NAA35: variants seen among roughly 807,000 people sequenced by gnomAD.
NAA35 encodes the protein MAK10 homolog, amino-acid N-acetyltransferase subunit.
In NAA35, 18 loss-of-function variants were observed where a neutral mutation model predicts 101.7. The observed-to-expected ratio is 0.18, with a 90% CI of 0.12 to 0.26. The LOEUF (loss-of-function observed/expected upper bound fraction) is 0.26. Among genes scored for constraint, NAA35 ranks in the 10% least tolerant of loss-of-function variants. NAA35 has a pLI of 1.00. For missense variants in NAA35, 601 were observed against 886.8 expected (o/e 0.68, Z 4.09); for synonymous variants, 267 against 273.1 (o/e 0.98, Z 0.22).
At chr9:86,007,509 T>A in intron 14 of NAA35, 45 bp downstream of exon 14, 1 of 1,441,834 alleles carries the variant, frequency 6.9e-7, no homozygotes. Flanking sequence ...TGTGCTCCTT[T>A]AAAAGCCCAA....
intron 2 of NAA35, among the ~76,000 whole-genome samples, chr9:85,955,360 A>ATTTTTTTT (rs61549690): frequency 1.5e-4 from 8 of 53,930 alleles, no homozygotes; most frequent in East Asian, 7.6e-4. Flanking sequence ...ATATATATAT[A>ATTTTTTTT]TTTTTTTTTT....
intron 15 of NAA35, among the ~76,000 whole-genome samples, chr9:86,011,901 ATT>A (rs1831938996): frequency 7.1e-6 from 1 of 140,550 alleles, no homozygotes; most frequent in African/African-American, 2.7e-5. Context: ...TATGATATAT[ATT>A]AATATATATT....
At chr9:85,972,421 A>C (rs1830034689) in intron 6 of NAA35, among the ~76,000 whole-genome samples, 1 of 138,896 alleles carries the variant, frequency 7.2e-6, no homozygotes, top group African/African-American at 2.7e-5. Context: ...AGGTGGAAGG[A>C]TTGCTTGAGC....
chr9:85,952,346 C>T (rs1003609919), intron 2 of NAA35, among the ~76,000 whole-genome samples: 20 of 145,702 alleles, frequency 1.4e-4, no homozygotes, highest in African/African-American at 4.9e-4. Flanking sequence ...AGTGCAGTGG[C>T]GCCATCTCGG....
intron 13 of NAA35, among the ~76,000 whole-genome samples, chr9:86,006,373 T>TC (rs1831643050): frequency 6.6e-6 from 1 of 152,266 alleles, no homozygotes; most frequent in Admixed American, 6.5e-5. Context: ...AGCTGTTTGT[T>TC]CATGATCATC....
At chr9:85,984,077 G>A (rs1587616576) in intron 11 of NAA35, among the ~76,000 whole-genome samples, 2 of 149,116 alleles carry the variant, frequency 1.3e-5, no homozygotes, top group African/African-American at 4.9e-5. Flanking sequence ...TGTAATCCCA[G>A]TGCACTTTGG....
intron 1 of NAA35, chr9:85,941,589 G>C: frequency 1.0e-6 from 1 of 986,024 alleles, no homozygotes; most frequent in Non-Finnish European, 1.2e-6. Flanking sequence ...CGGAAGGGAA[G>C]CGTGTGCCCG....
intron 21 of NAA35, 132 bp from the exon 22 acceptor site, chr9:86,020,757 G>C (rs1832498724): frequency 3.6e-6 from 2 of 552,784 alleles, no homozygotes; most frequent in East Asian, 6.4e-5. Context: ...CCTGAACCAG[G>C]AGGTTGAGGC....
intron 3 of NAA35, among the ~76,000 whole-genome samples, chr9:85,957,690 A>G (rs563293815): frequency 6.6e-6 from 1 of 152,366 alleles, no homozygotes; most frequent in East Asian, 1.9e-4. Context: ...GCCCATATGT[A>G]GCCCCAGTTC....
At chr9:85,956,274 C>G in intron 2 of NAA35, 86 bp from the exon 3 acceptor site, 1 of 768,546 alleles carries the variant, frequency 1.3e-6, no homozygotes, top group Non-Finnish European at 2.0e-6. Context: ...ACAAGCACAT[C>G]TTTTCAGGTG....
At chr9:85,955,010 C>T (rs770378234) in intron 2 of NAA35, among the ~76,000 whole-genome samples, 12 of 151,474 alleles carry the variant, frequency 7.9e-5, no homozygotes, top group African/African-American at 1.7e-4. Flanking sequence ...CTCTGCCTCC[C>T]GGGTTTAAGT....
At chr9:85,963,340 G>A (rs913524573) in intron 6 of NAA35, among the ~76,000 whole-genome samples, 17 of 143,626 alleles carry the variant, frequency 1.2e-4, no homozygotes, top group African/African-American at 4.1e-4. Flanking sequence ...GGGCAGTTTC[G>A]GCTCACTGCA....
At chr9:86,002,461 G>A (rs930093839) in intron 12 of NAA35, among the ~76,000 whole-genome samples, 1 of 152,146 alleles carries the variant, frequency 6.6e-6, no homozygotes, top group Non-Finnish European at 1.5e-5. Context: ...TTTCCAAGAT[G>A]TTTGCTTTCT....
chr9:85,988,211 CATA>C (rs780152314), intron 11 of NAA35, among the ~76,000 whole-genome samples: 5 of 151,966 alleles, frequency 3.3e-5, no homozygotes, highest in Non-Finnish European at 5.9e-5. Context: ...TCAGTGATAT[CATA>C]ATCAAAAAAG....
intron 12 of NAA35, 27 bp downstream of exon 12, chr9:85,996,604 G>A (rs756971969): frequency 2.9e-5 from 43 of 1,477,386 alleles, no homozygotes; most frequent in Non-Finnish European, 3.7e-5. Flanking sequence ...GTTCCAGAAT[G>A]TAACTTCCAT....
intron 21 of NAA35, 107 bp from the exon 22 acceptor site, chr9:86,020,782 T>C (rs1587677517): frequency 1.4e-6 from 1 of 738,546 alleles, no homozygotes; most frequent in East Asian, 2.9e-5. Context: ...GTGAGCCGTG[T>C]TCTTACCACT....
At chr9:85,953,038 C>T (rs1271072966) in intron 2 of NAA35, among the ~76,000 whole-genome samples, 1 of 151,956 alleles carries the variant, frequency 6.6e-6, no homozygotes, top group Non-Finnish European at 1.5e-5. Flanking sequence ...GATGAAACCC[C>T]GTCTCTATAA....
chr9:85,978,025 A>G (rs563387464), intron 10 of NAA35, among the ~76,000 whole-genome samples: 5 of 147,290 alleles, frequency 3.4e-5, no homozygotes, highest in African/African-American at 7.5e-5. Context: ...TTTTATTGTG[A>G]AAAAAAAAAC....
chr9:86,001,715 T>G (rs1831425428), intron 12 of NAA35, among the ~76,000 whole-genome samples: 1 of 152,244 alleles, frequency 6.6e-6, no homozygotes, highest in Non-Finnish European at 1.5e-5. Context: ...GTTTTCCATT[T>G]GCTTGGAAGA....
Sources: gnomAD v4.1 joint callset for allele counts (sites outside exome capture counted in the v4.1 genomes callset) on GRCh38, gnomAD v4.1.1 for gene constraint, MANE v1.5 for transcripts, NCBI Gene and HGNC (gene_info 2026-07-23, HGNC 2026-07-21) for gene names.